Variants in FRMPD4 observed in about 807,000 individuals in gnomAD.
FRMPD4 encodes the protein FERM and PDZ domain containing 4, also known as FERM and PDZ domain-containing protein 4.
A neutral mutation model predicts 94.1 loss-of-function variants in FRMPD4; 22 were observed. That is an observed-to-expected ratio of 0.23 (90% CI 0.17 to 0.33). FRMPD4 has a LOEUF of 0.33. FRMPD4 is among the 10% of genes least tolerant of loss of function. The pLI is 1.00. For synonymous variants in FRMPD4, 631 were observed against 548.6 expected (o/e 1.15, Z -2.10); for missense variants, 1,111 against 1,339.9 (o/e 0.83, Z 2.67).
chrX:12,093,236 A>C (rs2055170030), intron 3 of FRMPD4, among the ~76,000 whole-genome samples: 1 of 111,601 alleles, frequency 9.0e-6, no homozygotes, highest in African/African-American at 3.3e-5. Flanking sequence ...GTTATGAGCA[A>C]GGGAATTAGA....
chrX:12,563,973 C>G (rs1256139538), intron 2 of FRMPD4, among the ~76,000 whole-genome samples: 1 of 112,258 alleles, frequency 8.9e-6, no homozygotes, highest in Non-Finnish European at 1.9e-5. Context: ...AATGAACATT[C>G]ACTTCTCCCA....
intron 3 of FRMPD4, among the ~76,000 whole-genome samples, chrX:11,973,318 T>C (rs1290495993): frequency 8.9e-6 from 1 of 112,376 alleles, no homozygotes; most frequent in Non-Finnish European, 1.9e-5. Flanking sequence ...AAAGATGCTA[T>C]AGTCTGAATC....
chrX:12,120,809 G>A (rs2055447015), intron 3 of FRMPD4, among the ~76,000 whole-genome samples: 1 of 110,805 alleles, frequency 9.0e-6, no homozygotes, highest in African/African-American at 3.3e-5. Flanking sequence ...AGAAAACACA[G>A]ACATTTGCTA....
At chrX:12,661,765 T>C (rs186641315) in intron 4 of FRMPD4, among the ~76,000 whole-genome samples, 1 of 112,054 alleles carries the variant, frequency 8.9e-6, no homozygotes, top group East Asian at 2.8e-4. Flanking sequence ...TCAGTGCCTG[T>C]TAGGAATTGA....
chrX:12,558,675 A>G (rs781451360), intron 2 of FRMPD4, among the ~76,000 whole-genome samples: 184 of 112,150 alleles, frequency 1.6e-3, no homozygotes, highest in Non-Finnish European at 2.5e-3. Context: ...CCTCCACATG[A>G]AAAGGCTAAG....
chrX:12,343,929 G>A (rs994869871), intron 1 of FRMPD4, among the ~76,000 whole-genome samples: 5 of 112,212 alleles, frequency 4.5e-5, no homozygotes, highest in Non-Finnish European at 9.4e-5. Flanking sequence ...ATCATCATAT[G>A]TTGCCAGAGA....
At chrX:12,408,628 A>G (rs757354212) in intron 1 of FRMPD4, among the ~76,000 whole-genome samples, 3 of 111,569 alleles carry the variant, frequency 2.7e-5, no homozygotes, top group East Asian at 5.7e-4. Context: ...ACACGCCATC[A>G]GCACAGCACC....
intron 3 of FRMPD4, among the ~76,000 whole-genome samples, chrX:12,122,728 C>T (rs943362524): frequency 1.0e-4 from 11 of 110,423 alleles, no homozygotes; most frequent in South Asian, 3.8e-4. Context: ...ATATCTCTGA[C>T]GTGGAACAAG....
chrX:12,080,358 A>C (rs1046556400), intron 3 of FRMPD4, among the ~76,000 whole-genome samples: 4 of 112,123 alleles, frequency 3.6e-5, no homozygotes, highest in Non-Finnish European at 7.5e-5. Flanking sequence ...CCTCCTTCTA[A>C]TCACCTCTTC....
intron 1 of FRMPD4, among the ~76,000 whole-genome samples, chrX:12,391,226 G>C (rs939410952): frequency 1.4e-4 from 16 of 111,780 alleles, no homozygotes; most frequent in Admixed American, 3.8e-4. Context: ...GATTGAAATG[G>C]GGAAGGGGAG....
intron 3 of FRMPD4, among the ~76,000 whole-genome samples, chrX:11,984,505 C>A (rs1354319437): frequency 8.9e-6 from 1 of 112,567 alleles, no homozygotes; most frequent in Non-Finnish European, 1.9e-5. Context: ...CTCTTGTCTG[C>A]AGCTGATCTG....
At chrX:11,963,194 G>T (rs1322790262) in intron 3 of FRMPD4, among the ~76,000 whole-genome samples, 1 of 112,299 alleles carries the variant, frequency 8.9e-6, no homozygotes, top group Non-Finnish European at 1.9e-5. Flanking sequence ...TGAAGCACAG[G>T]TGATACATGG....
chrX:12,541,129 A>C (rs1167369226), intron 2 of FRMPD4, among the ~76,000 whole-genome samples: 1 of 112,467 alleles, frequency 8.9e-6, no homozygotes, highest in African/African-American at 3.2e-5. Context: ...TGCCCACAAG[A>C]GAAAGCAGGG....
chrX:12,200,053 A>G (rs1428985361), intron 1 of FRMPD4, among the ~76,000 whole-genome samples: 1 of 111,467 alleles, frequency 9.0e-6, no homozygotes, highest in Non-Finnish European at 1.9e-5. Context: ...GTTTCACAAT[A>G]GTGATGTTGT....
chrX:12,419,180 A>G (rs1244593163), intron 1 of FRMPD4, among the ~76,000 whole-genome samples: 4 of 111,326 alleles, frequency 3.6e-5, no homozygotes, highest in Non-Finnish European at 5.6e-5. Context: ...CCCCAAACCT[A>G]TTGATTTACT....
At chrX:12,082,521 T>C (rs770023935) in intron 3 of FRMPD4, among the ~76,000 whole-genome samples, 1 of 111,602 alleles carries the variant, frequency 9.0e-6, no homozygotes, top group Non-Finnish European at 1.9e-5. Context: ...GCTAATACAG[T>C]AAATTGGTAC....
At chrX:12,192,274 T>C (rs1308955992) in intron 1 of FRMPD4, among the ~76,000 whole-genome samples, 1 of 111,792 alleles carries the variant, frequency 8.9e-6, no homozygotes, top group Non-Finnish European at 1.9e-5. Context: ...GTGGCACTGC[T>C]GTGACAAGCC....
chrX:12,001,614 C>A (rs1392670514), intron 3 of FRMPD4, among the ~76,000 whole-genome samples: 2 of 111,446 alleles, frequency 1.8e-5, no homozygotes, highest in Non-Finnish European at 3.8e-5. Context: ...GAAAACAAAA[C>A]CAATCAAACA....
intron 1 of FRMPD4, among the ~76,000 whole-genome samples, chrX:12,420,057 C>T (rs1161063279): frequency 8.9e-6 from 1 of 111,752 alleles, no homozygotes; most frequent in African/African-American, 3.3e-5. Context: ...CCTCTACCTG[C>T]CTATTCCACC....
Sources: gnomAD v4.1 joint callset for allele counts (sites outside exome capture counted in the v4.1 genomes callset) on GRCh38, gnomAD v4.1.1 for gene constraint, MANE v1.5 for transcripts, NCBI Gene and HGNC (gene_info 2026-07-23, HGNC 2026-07-21) for gene names.